Variants in KAZN observed in about 807,000 individuals in gnomAD.
KAZN encodes kazrin, periplakin interacting protein.
In KAZN, 40 loss-of-function variants were observed where a neutral mutation model predicts 87.4. The observed-to-expected ratio is 0.46, with a 90% CI of 0.36 to 0.60. KAZN has a LOEUF of 0.60. KAZN is among the 20% of genes least tolerant of loss of function. KAZN has a pLI of 0.00. For missense variants in KAZN, 898 were observed against 1,073.9 expected (o/e 0.84, Z 2.29); for synonymous variants, 466 against 458.3 (o/e 1.02, Z -0.22).
rs776794991 is a variant in KAZN at position 14,820,782 on chromosome 1, G to A, written c.227-139902G>A. Among the ~76,000 whole-genome samples, 3 of 152,212 alleles carry A rather than the reference G, an allele frequency of 2.0e-5. No individual in the cohort carries two copies. The highest frequency in any genetic ancestry group is 1.3e-4 in the Admixed American group (2 of 15,280). The stretch of plus-strand genomic sequence containing the variant: ...TTTGAATGGAGTAGAAGATTCCAGA[G>A]GAAGAGCAGTGGGGCACAGTGGGGA... On this transcript the variant is annotated intron_variant, in intron 1 of 14. Transcript: ENST00000376030. This position sits in a 1 kb window ranked among gnomAD's most constrained non-coding sequence, Gnocchi z 4.1.
chr1:14,466,017 AT>A (rs1291380083), intron 2 of KAZN, among the ~76,000 whole-genome samples: 3 of 152,182 alleles, frequency 2.0e-5, no homozygotes, highest in Non-Finnish European at 4.4e-5. Flanking sequence ...TGCTATACAG[AT>A]TTGCAACTTA....
chr1:14,196,577 G>A (rs1215124032), intron 2 of KAZN, among the ~76,000 whole-genome samples: 1 of 152,070 alleles, frequency 6.6e-6, no homozygotes, highest in Non-Finnish European at 1.5e-5. Flanking sequence ...CGAGAAGGCT[G>A]GAGGGAAGGG....
intron 1 of KAZN, among the ~76,000 whole-genome samples, chr1:14,150,990 G>A (rs867223868): frequency 6.6e-6 from 1 of 152,118 alleles, no homozygotes; most frequent in African/African-American, 2.4e-5. Context: ...ACGTGTGGGT[G>A]TATATTCTCA....
chr1:14,715,866 A>C (rs1043943346), intron 1 of KAZN, among the ~76,000 whole-genome samples: 1 of 152,166 alleles, frequency 6.6e-6, no homozygotes, highest in Non-Finnish European at 1.5e-5. Context: ...GCGGTGGTTG[A>C]CAAGGTTCCG....
chr1:14,987,059 A>G (rs1666892638), intron 2 of KAZN, among the ~76,000 whole-genome samples: 1 of 152,200 alleles, frequency 6.6e-6, no homozygotes, highest in Admixed American at 6.5e-5. Flanking sequence ...AGTCTCCTCC[A>G]GCCCAGGCAG....
intron 2 of KAZN, among the ~76,000 whole-genome samples, chr1:14,374,801 T>TA (rs1333777378): frequency 7.9e-5 from 12 of 152,306 alleles, no homozygotes; most frequent in South Asian, 2.1e-4. Flanking sequence ...TGCAGGATTT[T>TA]AAAGTAAATT....
chr1:13,936,185 C>T (rs1292505457), intron 1 of KAZN, among the ~76,000 whole-genome samples: 1 of 144,056 alleles, frequency 6.9e-6, no homozygotes, highest in African/African-American at 2.5e-5. Context: ...CAACCTCTGC[C>T]TCCCAGGTTC....
chr1:15,072,735 A>C (rs1373651391), intron 8 of KAZN, among the ~76,000 whole-genome samples: 7 of 152,170 alleles, frequency 4.6e-5, no homozygotes, highest in Non-Finnish European at 1.0e-4. Context: ...CACACCTAGG[A>C]AGAGGTGGAA....
intron 1 of KAZN, among the ~76,000 whole-genome samples, chr1:14,090,930 G>A (rs1031493814): frequency 1.3e-5 from 2 of 151,910 alleles, no homozygotes; most frequent in Non-Finnish European, 2.9e-5. Flanking sequence ...TGGCCAACAT[G>A]GTGAAACCCT....
chr1:14,318,504 G>A (rs77045695), intron 2 of KAZN, among the ~76,000 whole-genome samples: 3,648 of 151,946 alleles, frequency 0.024, 156 homozygotes, highest in African/African-American at 0.083. Flanking sequence ...CTGGTTTTCC[G>A]TAATTTGATT....
chr1:14,449,244 G>A (rs550218299), intron 2 of KAZN, among the ~76,000 whole-genome samples: 1 of 152,162 alleles, frequency 6.6e-6, no homozygotes, highest in Non-Finnish European at 1.5e-5. Flanking sequence ...GATGTCTTCT[G>A]GTTTGGCTTC....
intron 1 of KAZN, among the ~76,000 whole-genome samples, chr1:14,699,172 A>G (rs1338651047): frequency 6.6e-6 from 1 of 151,530 alleles, no homozygotes; most frequent in East Asian, 1.9e-4. Flanking sequence ...TCCAAGGACA[A>G]TGAGGAGACA....
At chr1:14,928,443 A>C (rs7520718) in intron 1 of KAZN, among the ~76,000 whole-genome samples, 54,602 of 150,340 alleles carry the variant, frequency 0.36, 11,983 homozygotes, top group African/African-American at 0.61. Flanking sequence ...AGCGAGACTC[A>C]GTCTCAAAAA....
chr1:14,524,430 G>T (rs1160256645), intron 2 of KAZN, among the ~76,000 whole-genome samples: 3 of 152,126 alleles, frequency 2.0e-5, no homozygotes, highest in African/African-American at 7.2e-5. Flanking sequence ...CCACAAAGGA[G>T]CCTGTGCCCT....
At chr1:15,004,965 T>C (rs1012773131) in intron 2 of KAZN, among the ~76,000 whole-genome samples, 3 of 152,142 alleles carry the variant, frequency 2.0e-5, no homozygotes, top group Non-Finnish European at 4.4e-5. Context: ...TTGCCATTAT[T>C]AAAGGTGATT....
intron 2 of KAZN, among the ~76,000 whole-genome samples, chr1:14,202,081 A>C (rs1190324225): frequency 6.6e-6 from 1 of 152,212 alleles, no homozygotes; most frequent in African/African-American, 2.4e-5. Context: ...CCAATGAGGT[A>C]AGTATCAACA....
intron 2 of KAZN, among the ~76,000 whole-genome samples, chr1:14,298,990 C>T (rs558519748): frequency 3.3e-5 from 5 of 152,232 alleles, no homozygotes; most frequent in African/African-American, 4.8e-5. Context: ...TTGCCTGTGC[C>T]GTTAGGAGGT....
At chr1:14,290,990 G>T (rs1324753378) in intron 2 of KAZN, among the ~76,000 whole-genome samples, 2 of 152,206 alleles carry the variant, frequency 1.3e-5, no homozygotes, top group Non-Finnish European at 2.9e-5. Context: ...GACCCTGTTT[G>T]CCTGGGTATC....
At chr1:14,834,361 T>A (rs1451317502) in intron 1 of KAZN, among the ~76,000 whole-genome samples, 1 of 133,140 alleles carries the variant, frequency 7.5e-6, no homozygotes, top group Non-Finnish European at 1.6e-5. Flanking sequence ...ACTTCCTTTT[T>A]TTTTTTTTTT....
Sources: allele counts gnomAD v4.1 joint callset (sites outside exome capture counted in the v4.1 genomes callset), GRCh38; gene constraint gnomAD v4.1.1; non-coding constraint Gnocchi (gnomAD v3.1); transcripts MANE v1.5; gene names NCBI Gene and HGNC (gene_info 2026-07-23, HGNC 2026-07-21).